Variants in COX7B2 observed in about 807,000 individuals in gnomAD.
COX7B2 encodes the protein cytochrome c oxidase subunit 7B2, also known as cytochrome c oxidase subunit 7B2, mitochondrial.
For synonymous variants in COX7B2, 37 were observed against 32.1 expected, an observed-to-expected ratio of 1.15 and a Z score of -0.51; for missense variants, 109 against 95.9, an observed-to-expected ratio of 1.14 and a Z score of -0.57.
intron 2 of COX7B2, among the ~76,000 whole-genome samples, chr4:46,819,110 T>C (rs1190069418): frequency 6.6e-6 from 1 of 152,228 alleles, no homozygotes; most frequent in African/African-American, 2.4e-5. Flanking sequence ...AAAAACCATG[T>C]AGCCTTCTCT....
At chr4:46,831,661 T>C (rs1715112612) in intron 2 of COX7B2, among the ~76,000 whole-genome samples, 2 of 152,152 alleles carry the variant, frequency 1.3e-5, no homozygotes, top group South Asian at 2.1e-4. Flanking sequence ...GTTGGCACTC[T>C]ATCTAGCTAA....
At chr4:46,790,854 C>G (rs1161534306) in intron 2 of COX7B2, among the ~76,000 whole-genome samples, 2 of 152,124 alleles carry the variant, frequency 1.3e-5, no homozygotes, top group Non-Finnish European at 2.9e-5. Flanking sequence ...AGAATCAAAC[C>G]CTAGGTTTAT....
chr4:46,815,833 T>C (rs1017910012), intron 2 of COX7B2, among the ~76,000 whole-genome samples: 1 of 152,228 alleles, frequency 6.6e-6, no homozygotes, highest in African/African-American at 2.4e-5. Flanking sequence ...CTCTAAAATG[T>C]CTCTAATACA....
intron 2 of COX7B2, among the ~76,000 whole-genome samples, chr4:46,831,392 G>A (rs1296068363): frequency 3.9e-5 from 6 of 152,052 alleles, no homozygotes; most frequent in African/African-American, 1.4e-4. Flanking sequence ...CCGGCTCCAC[G>A]GCACCCTGTC....
intron 2 of COX7B2, among the ~76,000 whole-genome samples, chr4:46,762,310 AAT>A (rs1365425196): frequency 5.3e-5 from 4 of 75,028 alleles, no homozygotes; most frequent in African/African-American, 1.3e-4. Context: ...AGTGTTATAT[AAT>A]ATAATATATA....
chr4:46,820,147 C>A (rs1034826828), intron 2 of COX7B2, among the ~76,000 whole-genome samples: 3 of 152,122 alleles, frequency 2.0e-5, no homozygotes. Context: ...AATAATTATA[C>A]AACTTACCAT....
intron 1 of COX7B2, among the ~76,000 whole-genome samples, chr4:46,859,879 C>T (rs983766984): frequency 1.1e-4 from 17 of 152,194 alleles, no homozygotes; most frequent in Non-Finnish European, 1.3e-4. Flanking sequence ...TACAGCTAGT[C>T]AACAGCCTGT....
chr4:46,864,457 CAGG>C (rs1717523792), intron 1 of COX7B2, among the ~76,000 whole-genome samples: 2 of 152,032 alleles, frequency 1.3e-5, no homozygotes, highest in South Asian at 4.2e-4. Flanking sequence ...GCCTCTGGAT[CAGG>C]AGTTTTTAAG....
chr4:46,771,761 T>C (rs1159090105), intron 2 of COX7B2, among the ~76,000 whole-genome samples: 2 of 151,926 alleles, frequency 1.3e-5, no homozygotes, highest in Non-Finnish European at 2.9e-5. Context: ...CCCACAACAA[T>C]AACAACAACA....
At chr4:46,848,150 A>C (rs1379475497) in intron 1 of COX7B2, among the ~76,000 whole-genome samples, 2 of 152,056 alleles carry the variant, frequency 1.3e-5, no homozygotes, top group African/African-American at 4.8e-5. Flanking sequence ...CTAGGCTCCT[A>C]AGACCCAATT....
chr4:46,821,124 C>T (rs879513236), intron 2 of COX7B2, among the ~76,000 whole-genome samples: 26 of 152,024 alleles, frequency 1.7e-4, no homozygotes, highest in African/African-American at 5.3e-4. Context: ...TCTTCTGCTC[C>T]GAATTCAGTC....
intron 1 of COX7B2, among the ~76,000 whole-genome samples, chr4:46,874,473 ACAAG>A (rs1241473909): frequency 6.6e-6 from 1 of 152,214 alleles, no homozygotes; most frequent in African/African-American, 2.4e-5. Context: ...AAAACAAACA[ACAAG>A]CTGAAACTTA....
chr4:46,839,897 G>C (rs557212374), intron 2 of COX7B2, among the ~76,000 whole-genome samples: 2 of 152,046 alleles, frequency 1.3e-5, no homozygotes, highest in East Asian at 3.9e-4. Context: ...ATATAGGTGG[G>C]GAGGTGAGAA....
At chr4:46,753,069 C>A (rs1316758515) in intron 2 of COX7B2, among the ~76,000 whole-genome samples, 14 of 152,176 alleles carry the variant, frequency 9.2e-5, no homozygotes, top group Admixed American at 9.2e-4. Context: ...GGTTGGTAAG[C>A]TATTAATTAT....
At chr4:46,815,567 A>C (rs1350021842) in intron 2 of COX7B2, among the ~76,000 whole-genome samples, 1 of 152,240 alleles carries the variant, frequency 6.6e-6, no homozygotes, top group Admixed American at 6.5e-5. Flanking sequence ...AAATAAAAGA[A>C]GTTTCAACAA....
intron 2 of COX7B2, among the ~76,000 whole-genome samples, chr4:46,750,247 A>ACACAC (rs1715286375): frequency 1.6e-5 from 1 of 64,008 alleles, no homozygotes; most frequent in Non-Finnish European, 3.8e-5. Context: ...CACACACATT[A>ACACAC]TCCAGGTGTG....
intron 2 of COX7B2, among the ~76,000 whole-genome samples, chr4:46,785,166 A>T (rs1452149081): frequency 6.6e-6 from 1 of 152,230 alleles, no homozygotes; most frequent in Admixed American, 6.5e-5. Flanking sequence ...TTGCTTGTGC[A>T]GCTATTGTCT....
chr4:46,742,570 G>A (rs1226701652), intron 2 of COX7B2, among the ~76,000 whole-genome samples: 1 of 152,076 alleles, frequency 6.6e-6, no homozygotes, highest in East Asian at 1.9e-4. Flanking sequence ...ATATGTAATG[G>A]CATCATCTCC....
At chr4:46,879,055 G>A (rs1029942601) in intron 1 of COX7B2, among the ~76,000 whole-genome samples, 1 of 152,100 alleles carries the variant, frequency 6.6e-6, no homozygotes, top group African/African-American at 2.4e-5. Context: ...TACTATTAAG[G>A]TGCAAGTATA....
Sources: gnomAD v4.1 joint callset for allele counts (sites outside exome capture counted in the v4.1 genomes callset) on GRCh38, gnomAD v4.1.1 for gene constraint, MANE v1.5 for transcripts, NCBI Gene and HGNC (gene_info 2026-07-23, HGNC 2026-07-21) for gene names.